PRTG: variants seen among roughly 807,000 people sequenced by gnomAD.
PRTG encodes the protein protogenin.
Under a neutral mutation model 122.5 loss-of-function variants are expected in PRTG, and 67 were observed. The ratio of observed to expected loss-of-function variants is 0.55; its 90% CI spans 0.45 to 0.67. The LOEUF (loss-of-function observed/expected upper bound fraction) is 0.67. PRTG is among the 30% of genes least tolerant of loss of function. The pLI, the probability that PRTG is intolerant of heterozygous loss-of-function variation, is 0.00. For synonymous variants in PRTG, 554 were observed against 501.1 expected (o/e 1.11, Z -1.41); for missense variants, 1,435 against 1,415.4 (o/e 1.01, Z -0.22).
At chr15:55,726,835 C>T (rs1448504958) in intron 2 of PRTG, among the ~76,000 whole-genome samples, 1 of 150,486 alleles carries the variant, frequency 6.6e-6, no homozygotes, top group Non-Finnish European at 1.5e-5. Context: ...AAAATGAAAA[C>T]ATACAGGAGG....
chr15:55,691,038 T>C (rs1479314880), intron 2 of PRTG, among the ~76,000 whole-genome samples: 1 of 152,154 alleles, frequency 6.6e-6, no homozygotes, highest in Non-Finnish European at 1.5e-5. Context: ...CCAGGCGCAG[T>C]GGCTCACACC....
At chr15:55,740,074 G>C (rs558816506) in intron 2 of PRTG, among the ~76,000 whole-genome samples, 119 of 152,192 alleles carry the variant, frequency 7.8e-4, no homozygotes, top group Non-Finnish European at 1.4e-3. Flanking sequence ...CTTTTGTTGC[G>C]TTGGCCAAAC....
rs775581708 is a variant in PRTG, at chr15:55,638,678, T to C, written c.2325-2A>G. The C allele has an allele frequency of 1.2e-6, 2 of 1,610,028 alleles. No individual in the cohort carries two copies. Among genetic ancestry groups the C allele is most frequent in the Non-Finnish European group, 1.7e-6 (2 of 1,178,610 alleles). ...TGAACCAACATGTGAGTTTCTGATC[T>C]ATAATAACGAGTGATGAAGTTGTTA... On this transcript the variant is annotated splice_acceptor_variant, in intron 13 of 19. Coordinates refer to ENST00000389286, the MANE Select transcript of PRTG (RefSeq NM_173814.6). LOFTEE classifies it high-confidence loss of function.
chr15:55,734,339 T>C (rs1421982126), intron 2 of PRTG, among the ~76,000 whole-genome samples: 1 of 152,174 alleles, frequency 6.6e-6, no homozygotes, highest in Non-Finnish European at 1.5e-5. Flanking sequence ...CAAAAGAATA[T>C]GATTTATTTA....
rs770941084 is a variant in PRTG, at chr15:55,620,192, G to A, written c.3273C>T (p.Ser1091=). ...GTTVLISDED[S]PSSPGQTTSF... ...TGGTTGTCTGACCTGGGGAGCTAGG[G>A]GAGTCTTCATCACTGATTAATACAG... Residue 1091 remains serine (S), a synonymous_variant, in exon 20 of 20, where the codon TCC becomes TCT. Transcript: ENST00000389286. 1.2e-6 allele frequency: 2 copies of A among 1,614,154 alleles called. No homozygotes were observed. The highest frequency in any genetic ancestry group is 8.5e-7 in the Non-Finnish European group (1 of 1,180,028).
At chr15:55,657,091 G>C (rs2059384550) in intron 11 of PRTG, among the ~76,000 whole-genome samples, 2 of 152,074 alleles carry the variant, frequency 1.3e-5, no homozygotes, top group Non-Finnish European at 2.9e-5. Flanking sequence ...CAAGAATGAG[G>C]CCATATAAGT....
At chr15:55,696,914 T>C (rs2059635081) in intron 2 of PRTG, among the ~76,000 whole-genome samples, 1 of 152,208 alleles carries the variant, frequency 6.6e-6, no homozygotes, top group Non-Finnish European at 1.5e-5. Flanking sequence ...CTAGAGACTT[T>C]GTAACAAAGT....
chr15:55,650,435 C>T (rs2059347405), intron 11 of PRTG, among the ~76,000 whole-genome samples: 1 of 151,916 alleles, frequency 6.6e-6, no homozygotes, highest in Non-Finnish European at 1.5e-5. Flanking sequence ...AGATCTAGGC[C>T]AAGGGAAGAG....
rs777535563 is a variant in PRTG at position 55,677,790 on chromosome 15, C to T, written c.1381+7G>A. 12 of 1,612,194 alleles carry T rather than the reference C, an allele frequency of 7.4e-6. No homozygotes were observed. In the East Asian group the frequency reaches 1.6e-4, roughly 21 times the overall value. ...ACTTAAAAATAAGCACTCCTAAAAT[C>T]GCTTACCTTCTGCTTTCATGTAGTG... On this transcript the variant is annotated splice_region_variant and intron_variant, in intron 8 of 19. Coordinates refer to ENST00000389286, the MANE Select transcript of PRTG (RefSeq NM_173814.6).
chr15:55,737,199 T>C (rs2031439478), intron 2 of PRTG, among the ~76,000 whole-genome samples: 1 of 152,232 alleles, frequency 6.6e-6, no homozygotes, highest in Admixed American at 6.5e-5. Flanking sequence ...CTTGCTATTG[T>C]ACACAGCTAG....
At chr15:55,696,068 G>A (rs1329191027) in intron 2 of PRTG, among the ~76,000 whole-genome samples, 3 of 152,042 alleles carry the variant, frequency 2.0e-5, no homozygotes, top group Admixed American at 2.0e-4. Flanking sequence ...TGAGGAGTTT[G>A]AGACCAGCCT....
intron 17 of PRTG, 142 bp from the exon 18 acceptor site, chr15:55,624,649 G>T: frequency 1.7e-6 from 1 of 600,202 alleles, no homozygotes; most frequent in South Asian, 3.7e-5. Context: ...TCGAGTGTTA[G>T]ATTTTAACTT....
rs376397479 is a variant in PRTG at position 55,672,541 on chromosome 15, G to C, written c.1945C>G (p.Gln649Glu). The change falls in exon 11 of 20, where the codon CAG becomes GAG. Residue 649 changes from glutamine to glutamate, a missense_variant. Transcript: ENST00000389286. ...TCCTTGTAGTACAGCTTGTAGCCCT[G>C]AATAGCAGCTGTGTCCTCTACATCT... is the stretch of plus-strand genomic sequence containing the variant. ...QQDVEDTAAIQGYKLYYKEEG... is the reference protein window; with the variant it reads ...QQDVEDTAAIEGYKLYYKEEG... 1.9e-6 allele frequency: 3 copies of C among 1,613,926 alleles called. No homozygotes were observed. Among genetic ancestry groups the C allele is most frequent in the African/African-American group, 2.7e-5 (2 of 74,906 alleles).
rs770048135 is a variant in PRTG, at chr15:55,682,396, T to C, written c.644A>G (p.Lys215Arg). ...CIAATVAHRR[K>R]SMEASLTVIP... is the part of the protein sequence containing the mutation. ...CACAGTTAGCGAGGCCTCCATACTTTTACGTCGGTGGGCTACAGTGGCAGC... is the reference window on the plus strand; with the variant it reads ...CACAGTTAGCGAGGCCTCCATACTTCTACGTCGGTGGGCTACAGTGGCAGC... Residue 215 changes from lysine to arginine, a missense_variant, in exon 4 of 20, where the codon AAA (lysine) becomes AGA (arginine). Physicochemically the swap from Lys to Arg is conservative, Grantham distance 26. Transcript: ENST00000389286. The C allele has an allele frequency of 6.2e-6, 10 of 1,605,516 alleles. No homozygotes were observed. In the Admixed American group the frequency reaches 1.5e-4, roughly 24 times the overall value.
intron 15 of PRTG, among the ~76,000 whole-genome samples, chr15:55,630,479 C>T (rs1321626043): frequency 6.6e-6 from 1 of 152,176 alleles, no homozygotes; most frequent in African/African-American, 2.4e-5. Flanking sequence ...CACAGTTACG[C>T]AGGAACCTCA....
chr15:55,722,845 G>A (rs544201342), intron 2 of PRTG, among the ~76,000 whole-genome samples: 1 of 152,274 alleles, frequency 6.6e-6, no homozygotes, highest in South Asian at 2.1e-4. Flanking sequence ...GCAAATATAG[G>A]AATTAAGAGC....
intron 2 of PRTG, among the ~76,000 whole-genome samples, chr15:55,703,431 G>C (rs544841934): frequency 3.5e-4 from 53 of 152,234 alleles, no homozygotes; most frequent in African/African-American, 1.3e-3. Flanking sequence ...GAAGTAACTA[G>C]GGCTTGACAG....
chr15:55,707,180 A>G (rs2030164249), intron 2 of PRTG, among the ~76,000 whole-genome samples: 1 of 152,226 alleles, frequency 6.6e-6, no homozygotes, highest in South Asian at 2.1e-4. Context: ...TTCACTTGCT[A>G]TTGAATTCTT....
intron 2 of PRTG, among the ~76,000 whole-genome samples, chr15:55,713,542 T>C (rs2030476058): frequency 1.3e-5 from 2 of 152,232 alleles, no homozygotes; most frequent in African/African-American, 2.4e-5. Context: ...CTCTCTAAAA[T>C]AGTTCCACCA....
Sources: allele counts gnomAD v4.1 joint callset (sites outside exome capture counted in the v4.1 genomes callset), GRCh38; gene constraint gnomAD v4.1.1; transcripts MANE v1.5; gene names NCBI Gene and HGNC (gene_info 2026-07-23, HGNC 2026-07-21).